The following ZBTB8B variants were observed in gnomAD, a reference collection of about 807,000 sequenced individuals.
ZBTB8B encodes zinc finger and BTB domain containing 8B.
Under a neutral mutation model 30.3 loss-of-function variants are expected in ZBTB8B, and 17 were observed. The observed-to-expected ratio is 0.56, with a 90% CI of 0.38 to 0.84. ZBTB8B has a LOEUF of 0.84. Ranked by LOEUF, ZBTB8B falls within the 40% of genes least tolerant of loss-of-function variation. The pLI is 0.00. For synonymous variants in ZBTB8B, 248 were observed against 255.6 expected, an observed-to-expected ratio of 0.97 and a Z score of 0.28; for missense variants, 515 against 644.9, an observed-to-expected ratio of 0.80 and a Z score of 2.18.
rs1397641389 is a variant in ZBTB8B, at chr1:32,480,926, T to C, written c.1027T>C (p.Cys343Arg). The change falls in exon 3 of 4, where the codon TGT (cysteine) becomes CGT (arginine). Residue 343 changes from cysteine to arginine, a missense_variant. Physicochemically the swap from Cys to Arg is radical, Grantham distance 180. Coordinates refer to ENST00000609129, the MANE Select transcript of ZBTB8B (RefSeq NM_001145720.2). Reference protein sequence around the residue: ...VLVVPIKLHKCPFCPYTAKQK... With the variant: ...VLVVPIKLHKRPFCPYTAKQK... ...GGTGGTCCCCATCAAGCTCCACAAG[T>C]GTCCTTTCTGCCCTTACACTGCCAA... The C allele has an allele frequency of 1.9e-6, 3 of 1,552,012 alleles. No homozygotes were observed. Among genetic ancestry groups the C allele is most frequent in the Non-Finnish European group, 2.6e-6 (3 of 1,147,066 alleles).
chr1:32,468,461 A>G (rs543448705), intron 1 of ZBTB8B, among the ~76,000 whole-genome samples: 4 of 152,284 alleles, frequency 2.6e-5, no homozygotes, highest in East Asian at 1.9e-4. Flanking sequence ...ATTAGCCTAC[A>G]TTATAGCTTA....
intron 2 of ZBTB8B, among the ~76,000 whole-genome samples, chr1:32,476,818 T>G (rs1643667969): frequency 6.6e-6 from 1 of 151,756 alleles, no homozygotes; most frequent in Non-Finnish European, 1.5e-5. Context: ...CCAAGCTGCT[T>G]ACAGGTAAAG....
In ZBTB8B at chr1:32,488,342, T is replaced by A. The variant is rs943011337; in HGVS notation, c.*2924T>A. 6.6e-6 allele frequency: 1 copy of A among 152,248 alleles called. No individual in the cohort carries two copies. Among genetic ancestry groups the A allele is most frequent in the Non-Finnish European group, 1.5e-5 (1 of 68,040 alleles). The allele number at this position is 152,248 out of a possible 1,614,324, so 9.4% of individuals were successfully genotyped here. A position where few individuals can be genotyped will look rare whatever the true frequency, so the allele number is the denominator to read the frequency against. The stretch of plus-strand genomic sequence containing the variant: ...TTACTTGGCCAGGAACAGTGTTTGA[T>A]ATTTTTGCTTTCTCTGTTTAAATTA... On this transcript the variant is annotated 3_prime_UTR_variant, in exon 4 of 4. Transcript: ENST00000609129.
chr1:32,486,110 T>C lies in ZBTB8B; in HGVS notation c.*692T>C, dbSNP rs1307476467. The C allele has an allele frequency of 4.6e-5, 7 of 152,306 alleles. No homozygotes were observed. Among genetic ancestry groups the C allele is most frequent in the Admixed American group, 4.6e-4 (7 of 15,290 alleles). 9.4% of individuals were successfully genotyped at this position (152,306 alleles called of 1,614,324 possible). On this transcript the variant is annotated 3_prime_UTR_variant, in exon 4 of 4. Transcript: ENST00000609129. ...TGACCCCAGGTCTGGATGGTTTCCC[T>C]GTCTGGTTTGGCATTTGACGATTCT... is the stretch of plus-strand genomic sequence containing the variant.
At chr1:32,475,589 A>G (rs925012138) in intron 2 of ZBTB8B, among the ~76,000 whole-genome samples, 6 of 152,114 alleles carry the variant, frequency 3.9e-5, no homozygotes, top group African/African-American at 1.4e-4. Context: ...GTCTCAAAAA[A>G]CAAAACAAAA....
chr1:32,486,630 T>C lies in ZBTB8B; in HGVS notation c.*1212T>C, dbSNP rs557505708. 6.6e-6 allele frequency: 1 copy of C among 152,340 alleles called. No homozygotes were observed. The highest frequency in any genetic ancestry group is 2.1e-4 in the South Asian group (1 of 4,828). 9.4% of individuals were successfully genotyped at this position (152,340 alleles called of 1,614,324 possible). A position where few individuals can be genotyped will look rare whatever the true frequency, so the allele number is the denominator to read the frequency against. ...GGGCAGTGACTTCCAGGTGTTGCCA[T>C]GGCAATGGTAATTGACATGGCACAG... is the stretch of plus-strand genomic sequence containing the variant. On this transcript the variant is annotated 3_prime_UTR_variant, in exon 4 of 4. Coordinates refer to ENST00000609129, the MANE Select transcript of ZBTB8B (RefSeq NM_001145720.2).
chr1:32,485,059 C>T lies in ZBTB8B; in HGVS notation c.1171-42C>T, dbSNP rs989501917. ...ACGGGGCCTTGTGGAAAACACTCAT[C>T]TCCTTTTCTGTGACATCTACTGTGT... On this transcript the variant is annotated intron_variant, in intron 3 of 3. Transcript: ENST00000609129. 3.9e-6 allele frequency: 6 copies of T among 1,536,192 alleles called. No homozygotes were observed. The African/African-American group carries it at 4.1e-5, about 11-fold the overall frequency.
In ZBTB8B at chr1:32,485,120, C is replaced by T. The variant is rs1031377058; in HGVS notation, c.1190C>T (p.Pro397Leu). 2 of 1,552,014 alleles carry T rather than the reference C, an allele frequency of 1.3e-6. No homozygotes were observed. Among genetic ancestry groups the T allele is most frequent in the African/African-American group, 2.7e-5 (2 of 73,028 alleles). The part of the protein sequence containing the change: ...HALSVHRSNR[P>L]IICKGCRRTF... ...TTACAGGTCCACAGATCCAACCGTCCAATCATCTGCAAGGGCTGCAGGAGA... is the reference window on the plus strand; with the variant it reads ...TTACAGGTCCACAGATCCAACCGTCTAATCATCTGCAAGGGCTGCAGGAGA... The change falls in exon 4 of 4, where the codon CCA becomes CTA. Residue 397 changes from proline to leucine, a missense_variant. By Grantham distance (98) the Pro-to-Leu change is moderately conservative. Transcript: ENST00000609129.
Position 32,471,197 on chromosome 1 carries a change from G to C in ZBTB8B, c.573G>C (p.Glu191Asp). 6.4e-7 allele frequency: 1 copy of C among 1,551,938 alleles called. No individual in the cohort carries two copies. Among genetic ancestry groups the C allele is most frequent in the Non-Finnish European group, 8.7e-7 (1 of 1,147,044 alleles). ...EGEKSVECLR[E>D]SPCGDCGDCH... is the part of the protein sequence containing the mutation. ...AAAAGAGCGTGGAGTGCCTGAGAGAGTCCCCTTGCGGTGACTGCGGAGACT... is the reference window on the plus strand; with the variant it reads ...AAAAGAGCGTGGAGTGCCTGAGAGACTCCCCTTGCGGTGACTGCGGAGACT... The change falls in exon 2 of 4, where the codon GAG becomes GAC. Residue 191 changes from glutamate (E) to aspartate (D), a missense_variant. Transcript: ENST00000609129.
At chr1:32,472,105 GATC>G (rs1414634450) in intron 2 of ZBTB8B, among the ~76,000 whole-genome samples, 1 of 152,018 alleles carries the variant, frequency 6.6e-6, no homozygotes, top group African/African-American at 2.4e-5. Flanking sequence ...ATCTCATTAT[GATC>G]ATCATCAGTC....
At position 32,470,665 on chromosome 1, in the gene ZBTB8B, T is replaced by C. The variant is rs1252613734; in HGVS notation, c.41T>C (p.Leu14Pro). The C allele has an allele frequency of 6.4e-7, 1 of 1,551,454 alleles. No individual in the cohort carries two copies. Among genetic ancestry groups the C allele is most frequent in the Non-Finnish European group, 8.7e-7 (1 of 1,146,968 alleles). Residue 14 changes from leucine (L) to proline (P), a missense_variant, in exon 2 of 4, where the codon CTG becomes CCG. Physicochemically the swap from Leu to Pro is moderately conservative, Grantham distance 98. Transcript: ENST00000609129. ...TATTATGCCAAGCTTTTGGGGGAGC[T>C]GAATGAACAGAGAAAGAGGGACTTT... ...QSYYAKLLGE[L>P]NEQRKRDFFC...
chr1:32,480,867 A>G, intron 2 of ZBTB8B, 24 bp from the exon 3 acceptor site: 1 of 1,547,348 alleles, frequency 6.5e-7, no homozygotes, highest in Non-Finnish European at 8.7e-7. Flanking sequence ...CAGCACAGCT[A>G]AATGAAAGCA....
chr1:32,475,852 C>G (rs1643661300), intron 2 of ZBTB8B, among the ~76,000 whole-genome samples: 1 of 143,440 alleles, frequency 7.0e-6, no homozygotes, highest in East Asian at 2.2e-4. Context: ...GAGTCTCACT[C>G]TGTTGCCCAG....
chr1:32,469,246 A>ATTTTTTTTTTTTTTTTTTT (rs541160413), intron 1 of ZBTB8B, among the ~76,000 whole-genome samples: 1 of 117,352 alleles, frequency 8.5e-6, no homozygotes, highest in African/African-American at 3.6e-5. Flanking sequence ...CTCAAGTATA[A>ATTTTTTTTTTTTTTTTTTT]TTTTTTTTTT....
rs1340896083 is a variant in ZBTB8B at position 32,494,176 on chromosome 1, T to G, written c.*8758T>G. 1 of 83,038 alleles carries G rather than the reference T, an allele frequency of 1.2e-5. No individual in the cohort carries two copies. The highest frequency in any genetic ancestry group is 2.2e-5 in the Non-Finnish European group (1 of 45,788). 5.1% of individuals were successfully genotyped at this position (83,038 alleles called of 1,614,324 possible). A position where few individuals can be genotyped will look rare whatever the true frequency, so the allele number is the denominator to read the frequency against. ...TCAGCCTGGGCAACGAGAGCAAAAC[T>G]CCATCTCAAAAAAAAAAAAAAAAAA... On this transcript the variant is annotated 3_prime_UTR_variant, in exon 4 of 4. Coordinates refer to ENST00000609129, the MANE Select transcript of ZBTB8B (RefSeq NM_001145720.2).
chr1:32,474,368 A>T (rs1248313632), intron 2 of ZBTB8B, among the ~76,000 whole-genome samples: 1 of 143,228 alleles, frequency 7.0e-6, no homozygotes, highest in African/African-American at 2.6e-5. Context: ...AAAAAAAAAA[A>T]AAAAAAAAAA....
At chr1:32,473,072 A>G (rs1040824216) in intron 2 of ZBTB8B, among the ~76,000 whole-genome samples, 2 of 152,214 alleles carry the variant, frequency 1.3e-5, no homozygotes, top group African/African-American at 4.8e-5. Context: ...AGGTGAGGTA[A>G]TTGTGTTATA....
At chr1:32,477,885 C>T (rs1014315582) in intron 2 of ZBTB8B, among the ~76,000 whole-genome samples, 1 of 151,236 alleles carries the variant, frequency 6.6e-6, no homozygotes, top group Non-Finnish European at 1.5e-5. Context: ...GGTGAAACCT[C>T]GGTCTCTACT....
At chr1:32,475,916 C>T (rs1266450536) in intron 2 of ZBTB8B, among the ~76,000 whole-genome samples, 1 of 149,766 alleles carries the variant, frequency 6.7e-6, no homozygotes, top group Non-Finnish European at 1.5e-5. Flanking sequence ...CTCCCAGGTT[C>T]AAGTGATTTT....
Sources: gnomAD v4.1 joint callset for allele counts (sites outside exome capture counted in the v4.1 genomes callset) on GRCh38, gnomAD v4.1.1 for gene constraint, MANE v1.5 for transcripts, NCBI Gene and HGNC (gene_info 2026-07-23, HGNC 2026-07-21) for gene names.